AGMO: variants seen among roughly 807,000 people sequenced by gnomAD.
The protein encoded by AGMO is glyceryl-ether monooxygenase.
Under a neutral mutation model 60.2 loss-of-function variants are expected in AGMO, and 75 were observed. That is an observed-to-expected ratio of 1.25 (90% confidence interval 1.03 to 1.51). AGMO has a LOEUF of 1.51. Ranked by LOEUF, AGMO falls within the 40% of genes most tolerant of loss-of-function variation. The probability of loss-of-function intolerance (pLI) is 0.00; values close to 1 mark genes in which losing one functional copy is unlikely to be tolerated. For synonymous variants in AGMO, 261 were observed against 177.1 expected (o/e 1.47, Z -3.76); for missense variants, 763 against 525.5 (o/e 1.45, Z -4.42).
chr7:15,341,898 A>G (rs1236477095), intron 12 of AGMO, among the ~76,000 whole-genome samples: 2 of 152,020 alleles, frequency 1.3e-5, no homozygotes, highest in African/African-American at 2.4e-5. Flanking sequence ...ATTCACTATC[A>G]TGAGAACAGC....
At chr7:15,345,697 A>G (rs1782008322) in intron 12 of AGMO, among the ~76,000 whole-genome samples, 1 of 152,182 alleles carries the variant, frequency 6.6e-6, no homozygotes, top group Admixed American at 6.6e-5. Context: ...CTTTATACAC[A>G]GAATTTCATT....
At chr7:15,512,125 T>C (rs1180485810) in intron 3 of AGMO, among the ~76,000 whole-genome samples, 1 of 152,212 alleles carries the variant, frequency 6.6e-6, no homozygotes, top group African/African-American at 2.4e-5. Flanking sequence ...AATGTTGCAA[T>C]TTGAGACTGA....
chr7:15,457,048 A>C (rs1292896153), intron 3 of AGMO, among the ~76,000 whole-genome samples: 4 of 152,180 alleles, frequency 2.6e-5, no homozygotes, highest in African/African-American at 4.8e-5. Context: ...GGATAATAAT[A>C]TATGAGGTTA....
chr7:15,494,743 T>A (rs539640852), intron 3 of AGMO, among the ~76,000 whole-genome samples: 28 of 152,368 alleles, frequency 1.8e-4, no homozygotes, highest in Non-Finnish European at 3.4e-4. Context: ...AGATCTTGAC[T>A]TGAGTGCTCC....
rs13225087 is a variant in AGMO, at chr7:15,317,858, C to T, written c.1263+47656G>A. Among the ~76,000 whole-genome samples the T allele has an allele frequency of 4.7e-3, 588 of 123,856 alleles. 6 individuals are homozygous for T. Among genetic ancestry groups the T allele is most frequent in the African/African-American group, 0.011 (423 of 37,440 alleles). 81.3% of individuals were successfully genotyped at this position (123,856 alleles called of 152,430 possible). A position where few individuals can be genotyped will look rare whatever the true frequency, so the allele number is the denominator to read the frequency against. On this transcript the variant is annotated intron_variant, in intron 12 of 12. Coordinates refer to ENST00000342526, the MANE Select transcript of AGMO (RefSeq NM_001004320.2). ...TATTTTTGTCATATATATATATACA[C>T]ACACACACACGTATATATATATACA...
intron 3 of AGMO, among the ~76,000 whole-genome samples, chr7:15,475,926 A>G (rs1004142246): frequency 5.9e-5 from 9 of 152,202 alleles, no homozygotes; most frequent in East Asian, 1.9e-4. Flanking sequence ...GTGAGCATCA[A>G]TTTTCAAACC....
chr7:15,405,222 T>C (rs955179074), intron 5 of AGMO, among the ~76,000 whole-genome samples: 3 of 151,856 alleles, frequency 2.0e-5, no homozygotes, highest in Admixed American at 1.3e-4. Context: ...CTCCTGACAA[T>C]AAACAAACAT....
chr7:15,422,757 C>T (rs139019421), intron 4 of AGMO, among the ~76,000 whole-genome samples: 11 of 152,030 alleles, frequency 7.2e-5, no homozygotes, highest in Non-Finnish European at 1.3e-4. Flanking sequence ...TGGAGGGGCA[C>T]GAAATTGCCA....
chr7:15,276,573 G>A (rs1286095627), intron 12 of AGMO, among the ~76,000 whole-genome samples: 2 of 152,026 alleles, frequency 1.3e-5, no homozygotes, highest in African/African-American at 4.8e-5. Context: ...GAATCTGGAT[G>A]TCTACATCTC....
chr7:15,466,181 C>T (rs907249347), intron 3 of AGMO, among the ~76,000 whole-genome samples: 1 of 152,136 alleles, frequency 6.6e-6, no homozygotes, highest in African/African-American at 2.4e-5. Flanking sequence ...TTCATATTTA[C>T]TGGGTGCATA....
At position 15,532,997 on chromosome 7, in the gene AGMO, C is replaced by A. The variant is rs183161584; in HGVS notation, c.409+11775G>T. Among the ~76,000 whole-genome samples the A allele has an allele frequency of 3.6e-3, 550 of 152,092 alleles. 4 individuals are homozygous for A. The highest frequency in any genetic ancestry group is 0.012 in the African/African-American group (506 of 41,500). ...CAGAGCAAAACCCTGTCTCAAAAGA[C>A]AAAACAAAACAAACAAAAAATCTTC... On this transcript the variant is annotated intron_variant, in intron 3 of 12. Coordinates refer to ENST00000342526, the MANE Select transcript of AGMO (RefSeq NM_001004320.2).
chr7:15,342,801 A>AC (rs1554419149), intron 12 of AGMO, among the ~76,000 whole-genome samples: 1,326 of 107,928 alleles, frequency 0.012, 111 homozygotes, highest in African/African-American at 0.052. Context: ...AAAAAAAAAA[A>AC]AAAATTGATC....
At chr7:15,176,598 T>C in the AGMO span, among the ~76,000 whole-genome samples, 7 of 151,940 alleles carry the variant, frequency 4.6e-5, no homozygotes, top group African/African-American at 1.7e-4. Flanking sequence ...TGACTGGATA[T>C]ACTTATGCAT....
chr7:15,485,730 G>T (rs1229201683), intron 3 of AGMO, among the ~76,000 whole-genome samples: 1 of 151,920 alleles, frequency 6.6e-6, no homozygotes, highest in African/African-American at 2.4e-5. Flanking sequence ...ACGGTGCCCT[G>T]TTGATCATTA....
chr7:15,295,479 G>A (rs1210146981), intron 12 of AGMO, among the ~76,000 whole-genome samples: 1 of 152,000 alleles, frequency 6.6e-6, no homozygotes, highest in Non-Finnish European at 1.5e-5. Flanking sequence ...GAAAAAGAAT[G>A]CAGAGAAAGA....
intron 3 of AGMO, among the ~76,000 whole-genome samples, chr7:15,541,096 TG>T (rs1430724823): frequency 6.6e-6 from 1 of 152,086 alleles, no homozygotes; most frequent in Non-Finnish European, 1.5e-5. Context: ...ATATGCCAGT[TG>T]TTTTTTTGTT....
intron 3 of AGMO, among the ~76,000 whole-genome samples, chr7:15,521,862 A>C (rs1241592540): frequency 6.6e-6 from 1 of 152,334 alleles, no homozygotes; most frequent in Admixed American, 6.5e-5. Context: ...ATCAGGCAAG[A>C]GAAAGAAATA....
At chr7:15,493,586 A>G (rs1292717697) in intron 3 of AGMO, among the ~76,000 whole-genome samples, 1 of 151,572 alleles carries the variant, frequency 6.6e-6, no homozygotes, top group Non-Finnish European at 1.5e-5. Context: ...TGTGTTAGCC[A>G]GGATGGTCTC....
At chr7:15,127,306 A>G in the AGMO span, among the ~76,000 whole-genome samples, 1 of 152,144 alleles carries the variant, frequency 6.6e-6, no homozygotes, top group African/African-American at 2.4e-5. Context: ...ATATAAATAA[A>G]TGATTTTAAG....
Sources: gnomAD v4.1 joint callset for allele counts (sites outside exome capture counted in the v4.1 genomes callset) on GRCh38, gnomAD v4.1.1 for gene constraint, MANE v1.5 for transcripts, NCBI Gene and HGNC (gene_info 2026-07-23, HGNC 2026-07-21) for gene names.